ENPP2: variants seen among roughly 807,000 people sequenced by gnomAD.
ENPP2 encodes autotaxin.
A neutral mutation model predicts 120.2 loss-of-function variants in ENPP2; 51 were observed. The ratio of observed to expected loss-of-function variants is 0.42; its 90% CI spans 0.34 to 0.54. The LOEUF (loss-of-function observed/expected upper bound fraction) is 0.54. Among genes scored for constraint, ENPP2 ranks in the 20% least tolerant of loss-of-function variants. The probability of loss-of-function intolerance (pLI) is 0.04; values close to 1 mark genes in which losing one functional copy is unlikely to be tolerated. For synonymous variants in ENPP2, 365 were observed against 366.4 expected (o/e 1.00, Z 0.04); for missense variants, 920 against 1,066.5 (o/e 0.86, Z 1.91).
At chr8:119,596,180 C>T (rs1288078378) in intron 11 of ENPP2, among the ~76,000 whole-genome samples, 1 of 152,172 alleles carries the variant, frequency 6.6e-6, no homozygotes, top group Non-Finnish European at 1.5e-5. Flanking sequence ...AGAGAAGCCT[C>T]CTAAATTGAT....
chr8:119,659,485 T>A (rs766828113), intron 1 of ENPP2, among the ~76,000 whole-genome samples: 1 of 152,152 alleles, frequency 6.6e-6, no homozygotes, highest in Non-Finnish European at 1.5e-5. Context: ...CACACATTCA[T>A]GCATTCATGA....
intron 11 of ENPP2, among the ~76,000 whole-genome samples, chr8:119,595,270 T>C (rs574881841): frequency 6.6e-6 from 1 of 152,324 alleles, no homozygotes; most frequent in Admixed American, 6.5e-5. Flanking sequence ...TTCAAAGGTT[T>C]TAGGAAAAGC....
intron 13 of ENPP2, among the ~76,000 whole-genome samples, chr8:119,588,965 C>T (rs1028673721): frequency 3.3e-5 from 5 of 152,110 alleles, no homozygotes; most frequent in Non-Finnish European, 7.4e-5. Context: ...CCATCATCCT[C>T]GAAGCTAGTT....
chr8:119,643,932 G>C (rs552500920), intron 1 of ENPP2, among the ~76,000 whole-genome samples: 1 of 152,260 alleles, frequency 6.6e-6, no homozygotes, highest in South Asian at 2.1e-4. Flanking sequence ...AGAGGAGAGA[G>C]AACAGGCAAA....
At chr8:119,593,699 G>T in intron 12 of ENPP2, 53 bp downstream of exon 12, 2 of 1,108,396 alleles carry the variant, frequency 1.8e-6, no homozygotes, top group Non-Finnish European at 2.8e-6. Flanking sequence ...TCCTCAATAT[G>T]ATCAGAAACA....
intron 1 of ENPP2, among the ~76,000 whole-genome samples, chr8:119,668,548 C>A (rs1241744459): frequency 6.6e-6 from 1 of 151,396 alleles, no homozygotes; most frequent in African/African-American, 2.4e-5. Context: ...CCTTCCTCAG[C>A]CTCCCGAGTA....
At chr8:119,574,725 G>GT (rs979937090) in intron 19 of ENPP2, among the ~76,000 whole-genome samples, 3 of 151,636 alleles carry the variant, frequency 2.0e-5, no homozygotes, top group African/African-American at 7.3e-5. Flanking sequence ...CCTCTTTTTT[G>GT]TTTTTTTAAA....
At chr8:119,602,226 G>A (rs1290494112) in intron 9 of ENPP2, among the ~76,000 whole-genome samples, 1 of 152,106 alleles carries the variant, frequency 6.6e-6, no homozygotes, top group Non-Finnish European at 1.5e-5. Flanking sequence ...GGGAAGCCGA[G>A]GCAGGCAGAT....
At chr8:119,600,876 C>A in intron 10 of ENPP2, 126 bp from the exon 11 acceptor site, 1 of 628,190 alleles carries the variant, frequency 1.6e-6, no homozygotes, top group South Asian at 2.2e-5. Context: ...AACTACTATT[C>A]ATGTTAGCAT....
intron 3 of ENPP2, among the ~76,000 whole-genome samples, chr8:119,622,011 C>T (rs1417134328): frequency 6.6e-6 from 1 of 152,156 alleles, no homozygotes; most frequent in Non-Finnish European, 1.5e-5. Flanking sequence ...TCACTGTAAC[C>T]TCCGCCTCCC....
intron 1 of ENPP2, among the ~76,000 whole-genome samples, chr8:119,654,376 TAG>T (rs961236553): frequency 2.8e-5 from 4 of 143,814 alleles, no homozygotes; most frequent in East Asian, 2.0e-4. Context: ...TTATATTATA[TAG>T]AGAGATATAT....
At chr8:119,627,941 T>C (rs1246221281) in intron 2 of ENPP2, among the ~76,000 whole-genome samples, 1 of 150,140 alleles carries the variant, frequency 6.7e-6, no homozygotes, top group Admixed American at 6.7e-5. Flanking sequence ...ATATCAATAT[T>C]ATAAAAATAT....
In ENPP2 at chr8:119,595,777, C is replaced by A. The variant is rs551465729; in HGVS notation, c.973-1917G>T. The A allele has an allele frequency of 2.0e-6, 3 of 1,501,852 alleles. No homozygotes were observed. The African/African-American group carries it at 4.2e-5, about 21-fold the overall frequency. 93.0% of individuals were successfully genotyped at this position (1,501,852 alleles called of 1,614,324 possible). A position where few individuals can be genotyped will look rare whatever the true frequency, so the allele number is the denominator to read the frequency against. On this transcript the variant is annotated intron_variant, in intron 11 of 24. Transcript: ENST00000075322. ...AAACTTGCTCAGCCGATTTTCCAAC[C>A]AAGGCACTGAAGGCAACCTTCAACT...
chr8:119,652,593 C>T (rs1011652324), intron 1 of ENPP2, among the ~76,000 whole-genome samples: 4 of 152,150 alleles, frequency 2.6e-5, no homozygotes, highest in African/African-American at 7.2e-5. Context: ...GTTATCTGTG[C>T]AAACAAGATC....
rs138599890 is a variant in ENPP2, at chr8:119,634,717, T to C, written c.136+3708A>G. Among the ~76,000 whole-genome samples, 1,192 of 152,288 alleles carry C rather than the reference T, an allele frequency of 7.8e-3. 17 individuals are homozygous for C. The highest frequency in any genetic ancestry group is 0.027 in the African/African-American group (1,129 of 41,564). On this transcript the variant is annotated intron_variant, in intron 2 of 24. Transcript: ENST00000075322. Reference sequence around the variant, plus strand: ...GAAAGGTTTTTCAAACTTTTGTACATAGTTTTCAAATTTTAGAAGTTCTTT... The same window carrying C: ...GAAAGGTTTTTCAAACTTTTGTACACAGTTTTCAAATTTTAGAAGTTCTTT...
At chr8:119,611,050 G>C (rs536361939) in intron 8 of ENPP2, among the ~76,000 whole-genome samples, 1 of 152,200 alleles carries the variant, frequency 6.6e-6, no homozygotes, top group African/African-American at 2.4e-5. Flanking sequence ...ATGCTGCTTT[G>C]TGAAAAGGGG....
chr8:119,575,100 TA>T lies in ENPP2; in HGVS notation c.1781-4260del, dbSNP rs550760128. ...GTAAGTTAATGATACATATTTTTTT[TA>T]AATCTTGGCTTTCTACATATGACCT... On this transcript the variant is annotated intron_variant, in intron 19 of 24. Coordinates refer to ENST00000075322, the MANE Select transcript of ENPP2 (RefSeq NM_001040092.3). Among the ~76,000 whole-genome samples, 359 of 152,338 alleles carry T rather than the reference TA, an allele frequency of 2.4e-3. 1 individual carries two copies. Among genetic ancestry groups the T allele is most frequent in the Non-Finnish European group, 3.1e-3 (211 of 68,022 alleles).
chr8:119,557,843 C>T, intron 24 of ENPP2, 152 bp from the exon 25 acceptor site: 1 of 561,226 alleles, frequency 1.8e-6, no homozygotes, highest in Non-Finnish European at 3.0e-6. Context: ...TGCCACTCTA[C>T]CGCATTCCTA....
intron 4 of ENPP2, 22 bp downstream of exon 4, chr8:119,621,372 G>A (rs1276964388): frequency 6.2e-7 from 1 of 1,610,756 alleles, no homozygotes; most frequent in Admixed American, 1.7e-5. Context: ...TAAAGCTCAG[G>A]CCAATCCAAA....
Sources: allele counts gnomAD v4.1 joint callset (sites outside exome capture counted in the v4.1 genomes callset), GRCh38; gene constraint gnomAD v4.1.1; transcripts MANE v1.5; gene names NCBI Gene and HGNC (gene_info 2026-07-23, HGNC 2026-07-21).